ADGRV1: variants seen among roughly 807,000 people sequenced by gnomAD.
ADGRV1 encodes the protein G-protein coupled receptor 98.
In ADGRV1, 359 loss-of-function variants were observed where a neutral mutation model predicts 596.2. The ratio of observed to expected loss-of-function variants is 0.60; its 90% confidence interval spans 0.55 to 0.66. The LOEUF (loss-of-function observed/expected upper bound fraction) is 0.66. Ranked by LOEUF, ADGRV1 falls within the 30% of genes least tolerant of loss-of-function variation. The probability of loss-of-function intolerance (pLI) is 0.00; values close to 1 mark genes in which losing one functional copy is unlikely to be tolerated. For synonymous variants in ADGRV1, 2,681 were observed against 2,679.2 expected (o/e 1.00, Z -0.02); for missense variants, 7,274 against 7,575.6 (o/e 0.96, Z 1.48).
At chr5:90,747,276 G>C (rs906213361) in intron 52 of ADGRV1, among the ~76,000 whole-genome samples, 3 of 152,092 alleles carry the variant, frequency 2.0e-5, no homozygotes, top group Admixed American at 2.0e-4. Flanking sequence ...AGGCCACTGT[G>C]GCTGATGTCT....
At chr5:90,625,095 T>C (rs1300880023) in intron 5 of ADGRV1, 35 bp from the exon 6 acceptor site, 18 of 1,250,956 alleles carry the variant, frequency 1.4e-5, no homozygotes, top group Non-Finnish European at 2.0e-5. Context: ...TGAAGTATTT[T>C]GCATTTATTG....
At position 90,653,697 on chromosome 5, in the gene ADGRV1, G is replaced by C; in HGVS notation, c.4123G>C (p.Asp1375His). Residue 1375 changes from aspartate (D) to histidine (H), a missense_variant, in exon 20 of 90, where the codon GAT (aspartate) becomes CAT (histidine). Coordinates refer to ENST00000405460, the MANE Select transcript of ADGRV1 (RefSeq NM_032119.4). ...TACGAATGGATTCATTATAGCGAAG[G>C]ATGACGGTAATGGAAGCATCTACTA... is the stretch of plus-strand genomic sequence containing the variant. Reference protein sequence around the residue: ...ANTNGFIIAKDDGNGSIYYGV... With the variant: ...ANTNGFIIAKHDGNGSIYYGV... 1 of 1,613,268 alleles carries C rather than the reference G, an allele frequency of 6.2e-7. No homozygotes were observed. Among genetic ancestry groups the C allele is most frequent in the Non-Finnish European group, 8.5e-7 (1 of 1,179,596 alleles).
intron 1 of ADGRV1, among the ~76,000 whole-genome samples, chr5:90,589,901 C>G (rs372539160): frequency 1.3e-5 from 2 of 151,998 alleles, no homozygotes; most frequent in East Asian, 3.9e-4. Context: ...AACTCTGTAC[C>G]TAAAGGTTGA....
intron 87 of ADGRV1, among the ~76,000 whole-genome samples, chr5:91,130,084 T>G (rs1004817597): frequency 7.2e-5 from 11 of 152,092 alleles, no homozygotes; most frequent in African/African-American, 2.7e-4. Flanking sequence ...TCCAAATTTT[T>G]TAGTGACTGT....
chr5:91,163,834 G>A lies in ADGRV1; in HGVS notation c.18855G>A (p.Gly6285=). ...AATCTGGTCAAGGCAGCCAGGAGGG[G>A]GGCACCTTGACTGACTCCCAGATCG... The part of the protein sequence containing the change: ...DNESGQGSQE[G]GTLTDSQIVE... The change falls in exon 90 of 90, where the codon GGG becomes GGA. Residue 6285 remains glycine (G), a synonymous_variant. Transcript: ENST00000405460. 1 of 1,607,524 alleles carries A rather than the reference G, an allele frequency of 6.2e-7. No individual in the cohort carries two copies. The highest frequency in any genetic ancestry group is 1.7e-5 in the Admixed American group (1 of 59,634).
chr5:90,602,833 G>C (rs1353394051), intron 1 of ADGRV1, among the ~76,000 whole-genome samples: 2 of 152,224 alleles, frequency 1.3e-5, no homozygotes, highest in Non-Finnish European at 2.9e-5. Flanking sequence ...CATGGTGGTG[G>C]CTCAGCAGAA....
At chr5:90,731,968 T>G (rs1018668004) in intron 50 of ADGRV1, among the ~76,000 whole-genome samples, 3 of 152,232 alleles carry the variant, frequency 2.0e-5, no homozygotes, top group African/African-American at 7.2e-5. Flanking sequence ...TAATGTCTGG[T>G]TTAATACATG....
intron 38 of ADGRV1, among the ~76,000 whole-genome samples, chr5:90,707,766 T>C (rs1226477392): frequency 6.6e-6 from 1 of 152,098 alleles, no homozygotes; most frequent in Non-Finnish European, 1.5e-5. Flanking sequence ...TTTTTGAACA[T>C]TGGGTTTTTG....
chr5:90,562,911 C>G (rs1755050295), intron 1 of ADGRV1, among the ~76,000 whole-genome samples: 1 of 152,086 alleles, frequency 6.6e-6, no homozygotes, highest in African/African-American at 2.4e-5. Flanking sequence ...TTTCATAAAT[C>G]TATTTGTTAT....
At chr5:90,976,970 T>C (rs1010517080) in intron 84 of ADGRV1, among the ~76,000 whole-genome samples, 5 of 152,190 alleles carry the variant, frequency 3.3e-5, no homozygotes, top group African/African-American at 9.7e-5. Context: ...CATTCACATC[T>C]TGTGCGTTAT....
intron 55 of ADGRV1, among the ~76,000 whole-genome samples, chr5:90,755,790 A>G (rs1465247154): frequency 6.7e-6 from 1 of 148,732 alleles, no homozygotes; most frequent in African/African-American, 2.4e-5. Context: ...GTTGTTTTAT[A>G]TTATATAAAT....
chr5:90,933,688 C>G (rs1775444074), intron 83 of ADGRV1, among the ~76,000 whole-genome samples: 1 of 152,146 alleles, frequency 6.6e-6, no homozygotes, highest in African/African-American at 2.4e-5. Context: ...ACTATTAGGC[C>G]TCTACTTGGT....
chr5:90,657,526 C>A (rs2149478648), intron 20 of ADGRV1, among the ~76,000 whole-genome samples: 1 of 151,800 alleles, frequency 6.6e-6, no homozygotes, highest in East Asian at 1.9e-4. Context: ...TTTAAAATAC[C>A]ATAGAATAAA....
Position 90,777,904 on chromosome 5 carries a change from G to C in ADGRV1, c.12528-1G>C. The C allele has an allele frequency of 6.2e-7, 1 of 1,608,904 alleles. No homozygotes were observed. Among genetic ancestry groups the C allele is most frequent in the South Asian group, 1.1e-5 (1 of 90,498 alleles). On this transcript the variant is annotated splice_acceptor_variant, in intron 61 of 89. Coordinates refer to ENST00000405460, the MANE Select transcript of ADGRV1 (RefSeq NM_032119.4). LOFTEE classifies it high-confidence loss of function. ...GGATATACATTTGTTTATTGTTGTA[G>C]CCTTGTTCGAGGCCCAGGGATTTTG...
At chr5:90,784,689 C>A (rs994567525) in intron 67 of ADGRV1, among the ~76,000 whole-genome samples, 15 of 151,984 alleles carry the variant, frequency 9.9e-5, no homozygotes, top group African/African-American at 3.6e-4. Context: ...ACAGGATAGA[C>A]CAGAGGGCCC....
chr5:91,144,435 G>A (rs917714932), intron 87 of ADGRV1, among the ~76,000 whole-genome samples: 1 of 152,108 alleles, frequency 6.6e-6, no homozygotes, highest in Non-Finnish European at 1.5e-5. Context: ...ATCCTGAGTA[G>A]CTGGGATGGC....
intron 53 of ADGRV1, 99 bp downstream of exon 53, chr5:90,750,796 AC>A: frequency 1.2e-6 from 1 of 832,688 alleles, no homozygotes; most frequent in Non-Finnish European, 1.9e-6. Flanking sequence ...TTTGAGTTTG[AC>A]CATATCAACA....
At position 90,724,989 on chromosome 5, in the gene ADGRV1, G is replaced by T; in HGVS notation, c.9906G>T (p.Glu3302Asp). 6.3e-7 allele frequency: 1 copy of T among 1,589,272 alleles called. No homozygotes were observed. The highest frequency in any genetic ancestry group is 1.2e-5 in the South Asian group (1 of 85,122). ...GGCAGGGGATTTTTATTCCAGTTGA[G>T]GTAAACATCAGTATTTTTTTATAGT... is the stretch of plus-strand genomic sequence containing the variant. ...YRWQGIFIPV[E>D]DLNIENPKTC... The change falls in exon 46 of 90, where the codon GAG becomes GAT. Residue 3302 changes from glutamate (E) to aspartate (D), a missense_variant and splice_region_variant. Around this residue, in one of 5 missense-constraint regions of ADGRV1, gnomAD observed 3,643 missense variants for 3,809.2 expected, o/e 0.96. Coordinates refer to ENST00000405460, the MANE Select transcript of ADGRV1 (RefSeq NM_032119.4).
chr5:90,840,854 G>T lies in ADGRV1; in HGVS notation c.16888G>T (p.Gly5630Trp). 1 of 1,612,506 alleles carries T rather than the reference G, an allele frequency of 6.2e-7. No individual in the cohort carries two copies. The highest frequency in any genetic ancestry group is 8.5e-7 in the Non-Finnish European group (1 of 1,178,802). ...VSDADSQAIW[G>W]LADQLHQPVN... ...AGATGCAGATTCGCAGGCCATTTGG[G>T]GGCTTGCAGATCAGCTACATCAGCC... The change falls in exon 78 of 90, where the codon GGG becomes TGG. Residue 5630 changes from glycine (G) to tryptophan (W), a missense_variant. Gly to Trp is a radical substitution (Grantham distance 184). Around this residue, in one of 5 missense-constraint regions of ADGRV1, gnomAD observed 1,874 missense variants for 1,970.2 expected, o/e 0.95. Transcript: ENST00000405460.
Sources: gnomAD v4.1 joint callset for allele counts (sites outside exome capture counted in the v4.1 genomes callset) on GRCh38, gnomAD v4.1.1 for gene constraint, gnomAD v4.1.1 regional missense constraint, MANE v1.5 for transcripts, NCBI Gene and HGNC (gene_info 2026-07-23, HGNC 2026-07-21) for gene names.